The following FHIT variants were observed in gnomAD, a reference collection of about 807,000 sequenced individuals.
FHIT encodes the protein fragile histidine triad diadenosine triphosphatase.
In FHIT, 19 loss-of-function variants were observed where a neutral mutation model predicts 17.9. The ratio of observed to expected loss-of-function variants is 1.06; its 90% CI spans 0.74 to 1.56. The LOEUF (loss-of-function observed/expected upper bound fraction) is 1.56. Among genes scored for constraint, FHIT ranks in the 40% most tolerant of loss-of-function variants. The probability of loss-of-function intolerance (pLI) is 0.00; values close to 1 mark genes in which losing one functional copy is unlikely to be tolerated. For synonymous variants in FHIT, 81 were observed against 69.7 expected (o/e 1.16, Z -0.81); for missense variants, 248 against 189.2 (o/e 1.31, Z -1.82).
chr3:60,384,267 A>T (rs74610011), intron 5 of FHIT, among the ~76,000 whole-genome samples: 1 of 68,460 alleles, frequency 1.5e-5, no homozygotes, highest in Non-Finnish European at 3.1e-5. Context: ...ACTCCGTCTT[A>T]AAAAAAAAAA....
chr3:60,233,583 T>C lies in FHIT; in HGVS notation c.104-219431A>G, dbSNP rs190797413. The stretch of plus-strand genomic sequence containing the variant: ...ACTCTACCTATTTTCTTTCATTATT[T>C]CTTCATAATCCTTATCACTTTTTGA... On this transcript the variant is annotated intron_variant, in intron 5 of 9. Coordinates refer to ENST00000492590, the MANE Select transcript of FHIT (RefSeq NM_002012.4). 8.5e-5 allele frequency among the ~76,000 whole-genome samples: 13 copies of C among 152,310 alleles called. No homozygotes were observed. In the East Asian group the frequency reaches 2.5e-3, roughly 29 times the overall value.
At chr3:59,817,654 A>G (rs573624612) in intron 8 of FHIT, among the ~76,000 whole-genome samples, 2 of 152,150 alleles carry the variant, frequency 1.3e-5, no homozygotes, top group South Asian at 4.2e-4. Context: ...TTCAGAAACC[A>G]TCCTCCAGCC....
At chr3:60,054,276 G>C (rs1428481259) in intron 5 of FHIT, among the ~76,000 whole-genome samples, 1 of 152,176 alleles carries the variant, frequency 6.6e-6, no homozygotes, top group South Asian at 2.1e-4. Flanking sequence ...AACGGTTACA[G>C]AGTGTAAAAC....
chr3:60,357,515 A>C (rs919865016), intron 5 of FHIT, among the ~76,000 whole-genome samples: 8 of 152,044 alleles, frequency 5.3e-5, no homozygotes, highest in Admixed American at 5.2e-4. Context: ...AAAGTGCTGG[A>C]ATTACAGGCA....
intron 3 of FHIT, among the ~76,000 whole-genome samples, chr3:61,035,073 T>A (rs919822820): frequency 1.3e-5 from 2 of 152,174 alleles, no homozygotes; most frequent in East Asian, 3.8e-4. Flanking sequence ...TCCATTTACA[T>A]AAAATATCCA....
chr3:59,906,352 A>C (rs1315789634), intron 8 of FHIT, among the ~76,000 whole-genome samples: 2 of 152,236 alleles, frequency 1.3e-5, no homozygotes, highest in African/African-American at 4.8e-5. Context: ...AAAAATCCTA[A>C]AATTAAATGC....
intron 4 of FHIT, among the ~76,000 whole-genome samples, chr3:60,590,514 A>C (rs892694260): frequency 6.6e-6 from 1 of 152,114 alleles, no homozygotes; most frequent in Non-Finnish European, 1.5e-5. Flanking sequence ...ATATATATGC[A>C]CTTTCAGAAA....
chr3:61,205,574 G>T (rs1007395919), intron 1 of FHIT, among the ~76,000 whole-genome samples: 2 of 152,194 alleles, frequency 1.3e-5, no homozygotes, highest in Non-Finnish European at 2.9e-5. Flanking sequence ...GATGGCCAGT[G>T]ATGGTGAGCA....
intron 5 of FHIT, among the ~76,000 whole-genome samples, chr3:60,247,845 G>C (rs990971657): frequency 2.6e-4 from 40 of 152,138 alleles, no homozygotes; most frequent in African/African-American, 9.4e-4. Context: ...GCAGTTAGGA[G>C]CTCAGTGAAG....
intron 4 of FHIT, among the ~76,000 whole-genome samples, chr3:60,591,103 A>G (rs1036790893): frequency 6.6e-6 from 1 of 152,098 alleles, no homozygotes; most frequent in Admixed American, 6.6e-5. Flanking sequence ...TAAAATCCCT[A>G]AAGAACTTTC....
At chr3:59,812,675 C>T (rs1263973910) in intron 8 of FHIT, among the ~76,000 whole-genome samples, 2 of 152,184 alleles carry the variant, frequency 1.3e-5, no homozygotes, top group African/African-American at 2.4e-5. Context: ...CCTGTACACT[C>T]GACAGGACTA....
At chr3:61,209,879 A>C (rs1025749337) in intron 1 of FHIT, among the ~76,000 whole-genome samples, 3 of 152,152 alleles carry the variant, frequency 2.0e-5, no homozygotes, top group Non-Finnish European at 4.4e-5. Flanking sequence ...TTGGAGGAGG[A>C]GAGGCACTCT....
At chr3:60,318,025 C>G (rs1376548330) in intron 5 of FHIT, among the ~76,000 whole-genome samples, 1 of 152,094 alleles carries the variant, frequency 6.6e-6, no homozygotes, top group Non-Finnish European at 1.5e-5. Context: ...CCCCTCACCT[C>G]AAGTGATCCA....
intron 1 of FHIT, among the ~76,000 whole-genome samples, chr3:61,201,465 G>A (rs946542203): frequency 6.6e-6 from 1 of 151,928 alleles, no homozygotes; most frequent in Non-Finnish European, 1.5e-5. Flanking sequence ...CTCATTTTTG[G>A]CTAGGTCCTA....
intron 4 of FHIT, among the ~76,000 whole-genome samples, chr3:60,821,342 T>C (rs1235514300): frequency 6.6e-6 from 1 of 152,196 alleles, no homozygotes; most frequent in African/African-American, 2.4e-5. Flanking sequence ...TATTTTACTC[T>C]AACGTAAAGC....
chr3:61,018,873 C>T (rs72873084), intron 3 of FHIT, among the ~76,000 whole-genome samples: 3,193 of 152,238 alleles, frequency 0.021, 70 homozygotes, highest in African/African-American at 0.05. Flanking sequence ...CCTAGATCCT[C>T]ATTCTACTTT....
chr3:60,091,482 C>A (rs182030546), intron 5 of FHIT, among the ~76,000 whole-genome samples: 4 of 152,276 alleles, frequency 2.6e-5, no homozygotes, highest in Admixed American at 2.0e-4. Flanking sequence ...TCCATGTGAT[C>A]TGGCACAGAA....
intron 3 of FHIT, among the ~76,000 whole-genome samples, chr3:60,928,766 A>T (rs1440525668): frequency 2.0e-5 from 3 of 152,180 alleles, no homozygotes; most frequent in Non-Finnish European, 4.4e-5. Context: ...ATGGATTCAC[A>T]GCCGAATTCT....
intron 4 of FHIT, among the ~76,000 whole-genome samples, chr3:60,563,403 AT>A (rs1272647638): frequency 1.3e-5 from 2 of 152,176 alleles, no homozygotes; most frequent in Non-Finnish European, 2.9e-5. Flanking sequence ...TAACCCTACA[AT>A]CGCCTTTTAA....
Sources: allele counts gnomAD v4.1 joint callset (sites outside exome capture counted in the v4.1 genomes callset), GRCh38; gene constraint gnomAD v4.1.1; transcripts MANE v1.5; gene names NCBI Gene and HGNC (gene_info 2026-07-23, HGNC 2026-07-21).